SPINT2: variants seen among roughly 807,000 people sequenced by gnomAD.
SPINT2 encodes kunitz-type protease inhibitor 2.
Under a neutral mutation model 30.1 loss-of-function variants are expected in SPINT2, and 18 were observed. That is an observed-to-expected ratio of 0.60 (90% CI 0.41 to 0.89). SPINT2 has a LOEUF of 0.89. Among genes scored for constraint, SPINT2 ranks in the 40% least tolerant of loss-of-function variants. SPINT2 has a pLI of 0.00. For synonymous variants in SPINT2, 139 were observed against 137.9 expected, an observed-to-expected ratio of 1.01 and a Z score of -0.05; for missense variants, 276 against 334.3, an observed-to-expected ratio of 0.83 and a Z score of 1.36.
intron 1 of SPINT2, among the ~76,000 whole-genome samples, chr19:38,273,893 T>C (rs1968485294): frequency 6.6e-6 from 1 of 152,152 alleles, no homozygotes; most frequent in Non-Finnish European, 1.5e-5. Flanking sequence ...CCTGTCTTCA[T>C]AAAAAATACA....
chr19:38,284,769 A>G (rs762706162), intron 2 of SPINT2, among the ~76,000 whole-genome samples: 1 of 152,098 alleles, frequency 6.6e-6, no homozygotes, highest in Non-Finnish European at 1.5e-5. Context: ...TTATTTTGAG[A>G]CAGAGTCTTG....
At chr19:38,275,466 A>G (rs966899131) in intron 1 of SPINT2, among the ~76,000 whole-genome samples, 2 of 152,060 alleles carry the variant, frequency 1.3e-5, no homozygotes, top group Non-Finnish European at 2.9e-5. Context: ...CTGGGACTAC[A>G]GGCGCGCGCC....
At chr19:38,268,766 C>CGT (rs10526704) in intron 1 of SPINT2, among the ~76,000 whole-genome samples, 6,440 of 149,894 alleles carry the variant, frequency 0.043, 138 homozygotes, top group South Asian at 0.054. Context: ...TGCGCGCGCG[C>CGT]GTGTGTGTGT....
intron 2 of SPINT2, among the ~76,000 whole-genome samples, chr19:38,287,024 T>C (rs1351562486): frequency 1.3e-5 from 2 of 152,188 alleles, no homozygotes; most frequent in African/African-American, 4.8e-5. Context: ...GATTGTTTGT[T>C]TCTTTCTTTG....
Position 38,290,068 on chromosome 19 carries a change from C to G in SPINT2, c.392-51C>G, listed in dbSNP as rs1392680414. 6.2e-7 allele frequency: 1 copy of G among 1,608,790 alleles called. No homozygotes were observed. Among genetic ancestry groups the G allele is most frequent in the Non-Finnish European group, 8.5e-7 (1 of 1,177,310 alleles). On this transcript the variant is annotated intron_variant, in intron 4 of 6. Coordinates refer to ENST00000301244, the MANE Select transcript of SPINT2 (RefSeq NM_021102.4). The surrounding 1 kb of genome is among the most constrained non-coding windows in gnomAD (Gnocchi z 4.3). ...CTCAGGCACTTTCTGGCTTGCTTCCCCTCCTTGCGGGCCCTACTAATTTGT... is the reference window on the plus strand; with the variant it reads ...CTCAGGCACTTTCTGGCTTGCTTCCGCTCCTTGCGGGCCCTACTAATTTGT...
At chr19:38,269,892 A>G (rs1360540776) in intron 1 of SPINT2, among the ~76,000 whole-genome samples, 6 of 152,254 alleles carry the variant, frequency 3.9e-5, no homozygotes, top group Non-Finnish European at 4.4e-5. Context: ...TACAGGCGTG[A>G]GCCACCGCGC....
intron 2 of SPINT2, among the ~76,000 whole-genome samples, chr19:38,286,761 C>T (rs1049158831): frequency 2.0e-5 from 3 of 152,052 alleles, no homozygotes; most frequent in Non-Finnish European, 2.9e-5. Flanking sequence ...CCAGCCTGGG[C>T]GACAGAGCGA....
At chr19:38,280,759 G>A (rs1394219307) in intron 1 of SPINT2, among the ~76,000 whole-genome samples, 1 of 152,144 alleles carries the variant, frequency 6.6e-6, no homozygotes, top group Non-Finnish European at 1.5e-5. Flanking sequence ...GTGTGGTGTC[G>A]GGTGGTTCCT....
rs910487777 is a variant in SPINT2, at chr19:38,283,682, G to A, written c.162G>A (p.Trp54Ter). The change falls in exon 2 of 7, where the codon TGG (tryptophan) becomes TGA (stop). Residue 54 changes from tryptophan (W) to a stop codon, truncating the protein, a stop_gained. Transcript: ENST00000301244. LOFTEE classifies it high-confidence loss of function. ...GATGCCGGGCCTCCATGCCTAGGTG[G>A]TGGTACAATGTCACTGACGGATCCT... The part of the protein sequence containing the change: ...VGRCRASMPR[W>*]WYNVTDGSCQ... The A allele has an allele frequency of 1.9e-6, 3 of 1,614,176 alleles. No homozygotes were observed. The highest frequency in any genetic ancestry group is 2.5e-6 in the Non-Finnish European group (3 of 1,180,044).
intron 1 of SPINT2, among the ~76,000 whole-genome samples, chr19:38,279,221 A>T (rs1488750773): frequency 6.6e-6 from 1 of 151,382 alleles, no homozygotes; most frequent in African/African-American, 2.4e-5. Flanking sequence ...TTTTTTGGCC[A>T]GGTGCGGTGG....
Position 38,281,563 on chromosome 19 carries a change from G to A in SPINT2, c.107-2064G>A, listed in dbSNP as rs150899876. ...CATCTCTACTAAAAATACAAAATTA[G>A]CCAGGTGTGGTGGTGCATGCCTGTA... On this transcript the variant is annotated intron_variant, in intron 1 of 6. Coordinates refer to ENST00000301244, the MANE Select transcript of SPINT2 (RefSeq NM_021102.4). 2.3e-3 allele frequency among the ~76,000 whole-genome samples: 355 copies of A among 152,082 alleles called. 2 individuals carry two copies. Among genetic ancestry groups the A allele is most frequent in the African/African-American group, 8.1e-3 (337 of 41,492 alleles).
chr19:38,290,777 C>A lies in SPINT2; in HGVS notation c.592+202C>A. On this transcript the variant is annotated intron_variant, in intron 6 of 6. Transcript: ENST00000301244. The surrounding 1 kb of genome is among the most constrained non-coding windows in gnomAD (Gnocchi z 4.3). Reference sequence around the variant, plus strand: ...ACAGTTGGGGCTGGAGTGAGTCAGTCACAAGGCAGGCCCTGCCCAGGCGGC... The same window carrying A: ...ACAGTTGGGGCTGGAGTGAGTCAGTAACAAGGCAGGCCCTGCCCAGGCGGC... The A allele has an allele frequency of 1.3e-6, 1 of 752,414 alleles. No individual in the cohort carries two copies. The highest frequency in any genetic ancestry group is 2.2e-6 in the Non-Finnish European group (1 of 451,468). The allele number at this position is 752,414 out of a possible 1,614,324, so 46.6% of individuals were successfully genotyped here.
chr19:38,290,578 A>G lies in SPINT2; in HGVS notation c.592+3A>G, dbSNP rs111990687. The G allele has an allele frequency of 4.8e-3, 7,679 of 1,613,892 alleles. 22 individuals carry two copies. Among genetic ancestry groups the G allele is most frequent in the Non-Finnish European group, 5.7e-3 (6,688 of 1,179,940 alleles). ...TCCCCTGCCCCTTGGCTCAAAGGGTAAGTGGCCCCTTACCCTCCTCCTGCC... is the reference window on the plus strand; with the variant it reads ...TCCCCTGCCCCTTGGCTCAAAGGGTGAGTGGCCCCTTACCCTCCTCCTGCC... On this transcript the variant is annotated splice_donor_region_variant and intron_variant, in intron 6 of 6. Coordinates refer to ENST00000301244, the MANE Select transcript of SPINT2 (RefSeq NM_021102.4). The surrounding 1 kb of genome is among the most constrained non-coding windows in gnomAD (Gnocchi z 4.3).
At chr19:38,270,400 A>G (rs1048777555) in intron 1 of SPINT2, among the ~76,000 whole-genome samples, 17 of 152,196 alleles carry the variant, frequency 1.1e-4, no homozygotes, top group Non-Finnish European at 2.2e-4. Flanking sequence ...GCACCCACCA[A>G]TTGCCAGGCA....
chr19:38,289,011 A>C (rs183798458), intron 3 of SPINT2, 127 bp from the exon 4 acceptor site: 2 of 835,660 alleles, frequency 2.4e-6, no homozygotes, highest in Non-Finnish European at 4.2e-6. Context: ...CCGGCCATGG[A>C]AGGGGCTACA....
chr19:38,264,745 G>A lies in SPINT2; in HGVS notation c.-148G>A, dbSNP rs1600327488. 2 of 789,656 alleles carry A rather than the reference G, an allele frequency of 2.5e-6. No individual in the cohort carries two copies. Among genetic ancestry groups the A allele is most frequent in the East Asian group, 5.6e-5 (2 of 35,468 alleles). The allele number at this position is 789,656 out of a possible 1,614,324, so 48.9% of individuals were successfully genotyped here. A position where few individuals can be genotyped will look rare whatever the true frequency, so the allele number is the denominator to read the frequency against. On this transcript the variant is annotated 5_prime_UTR_variant, in exon 1 of 7. Coordinates refer to ENST00000301244, the MANE Select transcript of SPINT2 (RefSeq NM_021102.4). ...GAAGGTCCGGAAAGGCGACTTCCGG[G>A]GGCTTTGGCACCTGGCGGACCCTCC...
At chr19:38,286,008 A>G (rs1968636324) in intron 2 of SPINT2, among the ~76,000 whole-genome samples, 3 of 152,208 alleles carry the variant, frequency 2.0e-5, no homozygotes, top group African/African-American at 7.2e-5. Context: ...TCCTGGGAGC[A>G]GGCAGGTTAG....
At position 38,267,489 on chromosome 19, in the gene SPINT2, C is replaced by T. The variant is rs1017124373; in HGVS notation, c.106+2491C>T. On this transcript the variant is annotated intron_variant, in intron 1 of 6. Transcript: ENST00000301244. ...ATGAAAACATGAGGGGGCGGAGGGCCGAGGTAGATGGTAGGGCCAGCAGAT... is the reference window on the plus strand; with the variant it reads ...ATGAAAACATGAGGGGGCGGAGGGCTGAGGTAGATGGTAGGGCCAGCAGAT... Among the ~76,000 whole-genome samples, 4 of 151,880 alleles carry T rather than the reference C, an allele frequency of 2.6e-5. No individual in the cohort carries two copies. In the East Asian group the frequency reaches 5.8e-4, roughly 22 times the overall value.
chr19:38,288,028 C>T (rs1467900629), intron 3 of SPINT2, 93 bp downstream of exon 3: 17 of 1,454,864 alleles, frequency 1.2e-5, no homozygotes, highest in East Asian at 2.3e-5. Context: ...ACAGGCTTCC[C>T]TCTCATGGTT....
Sources: gnomAD v4.1 joint callset for allele counts (sites outside exome capture counted in the v4.1 genomes callset) on GRCh38, gnomAD v4.1.1 for gene constraint, Gnocchi (gnomAD v3.1) non-coding constraint, MANE v1.5 for transcripts, NCBI Gene and HGNC (gene_info 2026-07-23, HGNC 2026-07-21) for gene names.